Variants in RASAL2 observed in about 807,000 individuals in gnomAD.
RASAL2 encodes RAS protein activator like 2, also known as ras GTPase-activating protein nGAP.
RASAL2 carries 58 observed loss-of-function variants against 128.9 expected under a neutral mutation model. The observed-to-expected ratio is 0.45, with a 90% CI of 0.36 to 0.56. RASAL2 has a LOEUF of 0.56. Ranked by LOEUF, RASAL2 falls within the 20% of genes least tolerant of loss-of-function variation. The pLI is 0.00. For synonymous variants in RASAL2, 561 were observed against 580.8 expected (o/e 0.97, Z 0.49); for missense variants, 1,360 against 1,601.6 (o/e 0.85, Z 2.57).
At chr1:178,467,508 G>A in intron 17 of RASAL2, 87 bp downstream of exon 17, 4 of 1,147,712 alleles carry the variant, frequency 3.5e-6, no homozygotes, top group South Asian at 2.6e-5. Context: ...GCCAAGGCAG[G>A]TACCCAAAAA....
In RASAL2 at chr1:178,445,641, C is replaced by G. The variant is rs1411879399; in HGVS notation, c.1606C>G (p.Gln536Glu). ...GGAATACCTCAAGTTGGTGGGACAA[C>G]AGTATCTTCATGACGCACTGGGTAT... ...IEEYLKLVGQ[Q>E]YLHDALGEFI... The change falls in exon 9 of 18, where the codon CAG becomes GAG. Residue 536 changes from glutamine to glutamate, a missense_variant. Transcript: ENST00000367649. 6.2e-7 allele frequency: 1 copy of G among 1,613,160 alleles called. No individual in the cohort carries two copies.
intron 1 of RASAL2, among the ~76,000 whole-genome samples, chr1:178,155,315 CTCTT>C (rs1190165025): frequency 5.3e-5 from 8 of 151,866 alleles, no homozygotes; most frequent in Admixed American, 4.6e-4. Flanking sequence ...AAGTTTCATG[CTCTT>C]TGTCTTCTAA....
chr1:178,112,572 A>G (rs1278027430), intron 1 of RASAL2, among the ~76,000 whole-genome samples: 1 of 151,988 alleles, frequency 6.6e-6, no homozygotes, highest in Non-Finnish European at 1.5e-5. Context: ...AAAAGAAATC[A>G]TGAAAAATGA....
chr1:178,467,480 C>A, intron 17 of RASAL2, 59 bp downstream of exon 17: 1 of 1,452,538 alleles, frequency 6.9e-7, no homozygotes, highest in Non-Finnish European at 9.6e-7. Flanking sequence ...TATTTCCTGA[C>A]TTCACACCCT....
rs1320357923 is a variant in RASAL2 at position 178,445,610 on chromosome 1, C to T, written c.1575C>T (p.Ser525=). The T allele has an allele frequency of 6.2e-7, 1 of 1,613,732 alleles. No individual in the cohort carries two copies. Among genetic ancestry groups the T allele is most frequent in the East Asian group, 2.2e-5 (1 of 44,860 alleles). Residue 525 remains serine (S), a synonymous_variant, in exon 9 of 18, where the codon TCC becomes TCT. Transcript: ENST00000367649. ...GAGAGAACACTATTGCCACCAAATC[C>T]ATTGAGGAATACCTCAAGTTGGTGG... ...IFRENTIATK[S]IEEYLKLVGQ... is the part of the protein sequence containing the mutation.
chr1:178,331,613 T>G lies in RASAL2; in HGVS notation c.457+31495T>G, dbSNP rs1287564628. Among the ~76,000 whole-genome samples, 4 of 132,236 alleles carry G rather than the reference T, an allele frequency of 3.0e-5. No homozygotes were observed. The Admixed American group carries it at 3.2e-4, about 11-fold the overall frequency. 86.8% of individuals were successfully genotyped at this position (132,236 alleles called of 152,430 possible). A position where few individuals can be genotyped will look rare whatever the true frequency, so the allele number is the denominator to read the frequency against. On this transcript the variant is annotated intron_variant, in intron 3 of 17. Transcript: ENST00000367649. ...TTTTTTTTTTTTTTTTTGAGACAGA[T>G]TCTCGCACTGTCATCCAGGCTGGCA...
chr1:178,309,829 G>A (rs1215475548), intron 3 of RASAL2, among the ~76,000 whole-genome samples: 1 of 152,120 alleles, frequency 6.6e-6, no homozygotes. Context: ...GTGGTAGAGG[G>A]CATCAGACTA....
At chr1:178,178,092 A>C (rs944863052) in intron 1 of RASAL2, among the ~76,000 whole-genome samples, 4 of 152,160 alleles carry the variant, frequency 2.6e-5, no homozygotes, top group Non-Finnish European at 5.9e-5. Flanking sequence ...TCATTAATAA[A>C]AATGCAGTTT....
At position 178,401,229 on chromosome 1, in the gene RASAL2, T is replaced by C. The variant is rs749871476; in HGVS notation, c.564+11023T>C. ...ACGTTGCAAAGACATTGACCTCTTA[T>C]GCCATAGTTTCTTCATCATTAGTTG... On this transcript the variant is annotated intron_variant, in intron 4 of 17. Coordinates refer to ENST00000367649, the MANE Select transcript of RASAL2 (RefSeq NM_170692.4). 5.8e-4 allele frequency among the ~76,000 whole-genome samples: 89 copies of C among 152,246 alleles called. 1 individual carries two copies. The highest frequency in any genetic ancestry group is 5.9e-4 in the Admixed American group (9 of 15,282).
At chr1:178,153,175 A>G (rs534001735) in intron 1 of RASAL2, among the ~76,000 whole-genome samples, 18 of 152,118 alleles carry the variant, frequency 1.2e-4, no homozygotes, top group Admixed American at 2.0e-4. Flanking sequence ...CATAGTGTAG[A>G]TTTTGCTGGT....
chr1:178,206,904 G>A (rs1663068876), intron 1 of RASAL2, among the ~76,000 whole-genome samples: 1 of 152,124 alleles, frequency 6.6e-6, no homozygotes, highest in Admixed American at 6.5e-5. Flanking sequence ...GCCAGACGAG[G>A]TGGCTTACTC....
In RASAL2 at chr1:178,478,301, C is replaced by T. The variant is rs1412858129; in HGVS notation, c.*5062C>T. ...TCATTTTATGTGATTTCCAAATTTTCGAGGGAAACATTTCAATTCCCAGTT... is the reference window on the plus strand; with the variant it reads ...TCATTTTATGTGATTTCCAAATTTTTGAGGGAAACATTTCAATTCCCAGTT... On this transcript the variant is annotated 3_prime_UTR_variant, in exon 18 of 18. Coordinates refer to ENST00000367649, the MANE Select transcript of RASAL2 (RefSeq NM_170692.4). The T allele has an allele frequency of 1.3e-5, 2 of 152,116 alleles. No individual in the cohort carries two copies. The highest frequency in any genetic ancestry group is 3.4e-3 in the Middle Eastern group (1 of 294). 9.4% of individuals were successfully genotyped at this position (152,116 alleles called of 1,614,324 possible). A position where few individuals can be genotyped will look rare whatever the true frequency, so the allele number is the denominator to read the frequency against.
intron 3 of RASAL2, among the ~76,000 whole-genome samples, chr1:178,333,192 C>A (rs1053572212): frequency 6.6e-6 from 1 of 151,970 alleles, no homozygotes; most frequent in African/African-American, 2.4e-5. Flanking sequence ...CCGCTCCCGG[C>A]TAATTTTTTG....
chr1:178,121,218 G>A (rs1045251284), intron 1 of RASAL2: 1 of 151,988 alleles, frequency 6.6e-6, no homozygotes, highest in African/African-American at 2.4e-5. Flanking sequence ...CTTATCTCTT[G>A]TTCCAGTTTT....
At chr1:178,408,158 C>T (rs182943716) in intron 4 of RASAL2, among the ~76,000 whole-genome samples, 27 of 152,180 alleles carry the variant, frequency 1.8e-4, no homozygotes, top group African/African-American at 6.0e-4. Flanking sequence ...ATTTTTAAGA[C>T]TTGTAAATGG....
At chr1:178,173,098 A>G (rs1049237934) in intron 1 of RASAL2, among the ~76,000 whole-genome samples, 5 of 152,090 alleles carry the variant, frequency 3.3e-5, no homozygotes, top group African/African-American at 1.2e-4. Flanking sequence ...CCATTCTAAC[A>G]TACGTGTCCA....
intron 1 of RASAL2, among the ~76,000 whole-genome samples, chr1:178,154,667 C>G (rs1661024721): frequency 6.6e-6 from 1 of 152,194 alleles, no homozygotes; most frequent in Non-Finnish European, 1.5e-5. Context: ...AGTTGAACAT[C>G]TTTGCATGTG....
chr1:178,305,501 T>C (rs1667944815), intron 3 of RASAL2, among the ~76,000 whole-genome samples: 1 of 152,024 alleles, frequency 6.6e-6, no homozygotes, highest in African/African-American at 2.4e-5. Flanking sequence ...ACACCTACAG[T>C]GAACTCAGAA....
At chr1:178,279,028 G>A (rs1303447083) in intron 1 of RASAL2, among the ~76,000 whole-genome samples, 2 of 152,182 alleles carry the variant, frequency 1.3e-5, no homozygotes, top group African/African-American at 4.8e-5. Context: ...ATTAGCATTT[G>A]AAGGAGCCCA....
Sources: gnomAD v4.1 joint callset for allele counts (sites outside exome capture counted in the v4.1 genomes callset) on GRCh38, gnomAD v4.1.1 for gene constraint, MANE v1.5 for transcripts, NCBI Gene and HGNC (gene_info 2026-07-23, HGNC 2026-07-21) for gene names.